GPR158: variants seen among roughly 807,000 people sequenced by gnomAD.
GPR158 encodes metabotropic glycine receptor.
In GPR158, 30 loss-of-function variants were observed where a neutral mutation model predicts 78.2. That is an observed-to-expected ratio of 0.38 (90% CI 0.29 to 0.52). The LOEUF is 0.52. Ranked by LOEUF, GPR158 falls within the 20% of genes least tolerant of loss-of-function variation. The pLI is 0.83. For synonymous variants in GPR158, 581 were observed against 591.1 expected (o/e 0.98, Z 0.25); for missense variants, 1,463 against 1,523.5 (o/e 0.96, Z 0.66).
intron 5 of GPR158, among the ~76,000 whole-genome samples, chr10:25,503,921 C>T (rs137921566): frequency 0.01 from 1,503 of 149,904 alleles, 26 homozygotes; most frequent in African/African-American, 0.035. Flanking sequence ...GACAGAGCCT[C>T]GCTCTGTCAC....
At chr10:25,564,904 C>CCAT (rs1836908523) in intron 6 of GPR158, among the ~76,000 whole-genome samples, 1 of 152,094 alleles carries the variant, frequency 6.6e-6, no homozygotes, top group Non-Finnish European at 1.5e-5. Flanking sequence ...GTTCCCTATT[C>CCAT]CATCATTTTT....
At chr10:25,335,783 A>G (rs1404806953) in intron 2 of GPR158, among the ~76,000 whole-genome samples, 1 of 152,042 alleles carries the variant, frequency 6.6e-6, no homozygotes. Flanking sequence ...CAAATCCTTG[A>G]TATGCACCAT....
At chr10:25,368,584 C>G (rs1363657756) in intron 2 of GPR158, among the ~76,000 whole-genome samples, 1 of 151,744 alleles carries the variant, frequency 6.6e-6, no homozygotes, top group Non-Finnish European at 1.5e-5. Context: ...CAAAAAATAA[C>G]AGATACTGGT....
chr10:25,191,657 A>G (rs1208042649), intron 1 of GPR158, among the ~76,000 whole-genome samples: 2 of 151,560 alleles, frequency 1.3e-5, no homozygotes, highest in Non-Finnish European at 3.0e-5. Context: ...AACAGCTGAT[A>G]TAAATAACTG....
intron 1 of GPR158, among the ~76,000 whole-genome samples, chr10:25,201,061 A>G (rs947753255): frequency 6.6e-6 from 1 of 152,046 alleles, no homozygotes; most frequent in Non-Finnish European, 1.5e-5. Flanking sequence ...GTAGTTTGAT[A>G]GAACTAGCAC....
intron 3 of GPR158, among the ~76,000 whole-genome samples, chr10:25,411,998 T>G (rs932645352): frequency 7.0e-6 from 1 of 143,102 alleles, no homozygotes; most frequent in Admixed American, 7.1e-5. Context: ...CCTGCCCTCA[T>G]GAAGCTTTAT....
intron 2 of GPR158, among the ~76,000 whole-genome samples, chr10:25,329,534 G>T (rs1455301332): frequency 1.3e-5 from 2 of 151,294 alleles, no homozygotes. Flanking sequence ...GATTTGTTAA[G>T]CCTGCCCTTG....
chr10:25,598,565 G>C lies in GPR158; in HGVS notation c.2939G>C (p.Arg980Thr), dbSNP rs80246170. 274 of 1,613,734 alleles carry C rather than the reference G, an allele frequency of 1.7e-4. No homozygotes were observed. In the African/African-American group the frequency reaches 3.4e-3, roughly 20 times the overall value. The change falls in exon 11 of 11, where the codon AGG becomes ACG. Residue 980 changes from arginine to threonine, a missense_variant. Transcript: ENST00000376351. ...PQKSGIMKQQ[R>T]VNPTTANSDL... ...AAATCTGGGATTATGAAACAACAAAGGGTCAACCCCACCACTGCCAATTCT... is the reference window on the plus strand; with the variant it reads ...AAATCTGGGATTATGAAACAACAAACGGTCAACCCCACCACTGCCAATTCT...
At position 25,598,109 on chromosome 10, in the gene GPR158, C is replaced by G. The variant is rs143609365; in HGVS notation, c.2483C>G (p.Thr828Arg). 2.4e-4 allele frequency: 386 copies of G among 1,613,882 alleles called. No individual in the cohort carries two copies. Among genetic ancestry groups the G allele is most frequent in the Middle Eastern group, 1.3e-3 (8 of 6,082 alleles). The change falls in exon 11 of 11, where the codon ACG becomes AGG. Residue 828 changes from threonine (T) to arginine (R), a missense_variant. Transcript: ENST00000376351. Reference protein sequence around the residue: ...HSTYDHVRDQTEESSSLPTES... With the variant: ...HSTYDHVRDQREESSSLPTES... ...ACTTATGACCACGTGAGAGACCAAA[C>G]GGAAGAGTCCAGTAGCCTACCCACA...
At chr10:25,178,019 A>C (rs906924295) in intron 1 of GPR158, among the ~76,000 whole-genome samples, 6 of 152,136 alleles carry the variant, frequency 3.9e-5, no homozygotes, top group African/African-American at 7.2e-5. Flanking sequence ...GTAGCCTTTA[A>C]ATGAGTCTTT....
chr10:25,408,204 G>A (rs1233041524), intron 3 of GPR158, among the ~76,000 whole-genome samples: 1 of 152,136 alleles, frequency 6.6e-6, no homozygotes, highest in Non-Finnish European at 1.5e-5. Context: ...TGTGTGAGAA[G>A]GACTATTTTC....
intron 2 of GPR158, among the ~76,000 whole-genome samples, chr10:25,288,326 A>C (rs1854382363): frequency 6.6e-6 from 1 of 152,210 alleles, no homozygotes; most frequent in Non-Finnish European, 1.5e-5. Flanking sequence ...AATTCTGAAG[A>C]GCATCTAGTC....
chr10:25,594,515 A>T, intron 9 of GPR158, 118 bp downstream of exon 9: 1 of 496,528 alleles, frequency 2.0e-6, no homozygotes. Context: ...AGAGTTTTAA[A>T]GCTCCCTCCT....
rs1008032233 is a variant in GPR158, at chr10:25,598,939, G to A, written c.3313G>A (p.Gly1105Ser). The change falls in exon 11 of 11, where the codon GGT becomes AGT. Residue 1105 changes from glycine to serine, a missense_variant. Transcript: ENST00000376351. Reference sequence around the variant, plus strand: ...AGAGAGGGCAAAAGAGGAGAACGGAGGTCAGCCTCGTGCAGCCAATGTGTG... The same window carrying A: ...AGAGAGGGCAAAAGAGGAGAACGGAAGTCAGCCTCGTGCAGCCAATGTGTG... ...LPERAKEENG[G>S]QPRAANVCAG... is the part of the protein sequence containing the mutation. The A allele has an allele frequency of 1.9e-6, 3 of 1,613,834 alleles. No individual in the cohort carries two copies. Among genetic ancestry groups the A allele is most frequent in the Admixed American group, 1.7e-5 (1 of 59,996 alleles).
chr10:25,450,945 A>C (rs1194109530), intron 4 of GPR158, among the ~76,000 whole-genome samples: 1 of 150,686 alleles, frequency 6.6e-6, no homozygotes, highest in East Asian at 2.0e-4. Flanking sequence ...TTTCTAAAAA[A>C]TCCTTGGAAC....
intron 9 of GPR158, among the ~76,000 whole-genome samples, chr10:25,595,328 A>T (rs1485827307): frequency 2.0e-5 from 3 of 152,208 alleles, no homozygotes; most frequent in Non-Finnish European, 4.4e-5. Context: ...ATTTGTATAG[A>T]TTATCTTAAC....
chr10:25,365,661 A>G (rs1001259838), intron 2 of GPR158, among the ~76,000 whole-genome samples: 4 of 151,750 alleles, frequency 2.6e-5, no homozygotes, highest in Non-Finnish European at 5.9e-5. Flanking sequence ...GTCATAATAA[A>G]AAATACAATT....
At chr10:25,188,941 AAAAC>A (rs752810022) in intron 1 of GPR158, among the ~76,000 whole-genome samples, 100 of 152,330 alleles carry the variant, frequency 6.6e-4, no homozygotes, top group Non-Finnish European at 1.3e-3. Flanking sequence ...TTACAAGAAA[AAAAC>A]AAACAACCCC....
intron 2 of GPR158, among the ~76,000 whole-genome samples, chr10:25,359,216 C>A (rs1855595840): frequency 6.6e-6 from 1 of 151,998 alleles, no homozygotes; most frequent in Non-Finnish European, 1.5e-5. Flanking sequence ...CATACACACA[C>A]ATATATATTT....
Sources: gnomAD v4.1 joint callset for allele counts (sites outside exome capture counted in the v4.1 genomes callset) on GRCh38, gnomAD v4.1.1 for gene constraint, MANE v1.5 for transcripts, NCBI Gene and HGNC (gene_info 2026-07-23, HGNC 2026-07-21) for gene names.